Variants in CLYBL observed in about 807,000 individuals in gnomAD.
The protein encoded by CLYBL is citramalyl-CoA lyase, mitochondrial.
A neutral mutation model predicts 38.9 loss-of-function variants in CLYBL; 31 were observed. That is an observed-to-expected ratio of 0.80 (90% CI 0.60 to 1.08). CLYBL has a LOEUF of 1.08. CLYBL is among the 50% of genes least tolerant of loss of function. CLYBL has a pLI of 0.00. For synonymous variants in CLYBL, 171 were observed against 158.6 expected, an observed-to-expected ratio of 1.08 and a Z score of -0.59; for missense variants, 434 against 411.6, an observed-to-expected ratio of 1.05 and a Z score of -0.47.
At chr13:99,704,875 G>T (rs1249514260) in intron 1 of CLYBL, among the ~76,000 whole-genome samples, 1 of 152,038 alleles carries the variant, frequency 6.6e-6, no homozygotes, top group African/African-American at 2.4e-5. Flanking sequence ...ATCCTTCCTA[G>T]CATCCTACAT....
intron 2 of CLYBL, among the ~76,000 whole-genome samples, chr13:99,796,829 T>C (rs1269777913): frequency 6.6e-6 from 1 of 152,058 alleles, no homozygotes; most frequent in Non-Finnish European, 1.5e-5. Context: ...ACTGGTTGGG[T>C]ACAAGCAAAA....
chr13:99,720,196 T>A lies in CLYBL; in HGVS notation c.63-52628T>A, dbSNP rs564637054. ...AAATTATACATTCTATTTTTTCTTT[T>A]GGTGATTACATTTAAAATTTAATAT... On this transcript the variant is annotated intron_variant, in intron 1 of 8. Transcript: ENST00000339105. 4.6e-5 allele frequency among the ~76,000 whole-genome samples: 7 copies of A among 152,262 alleles called. 1 individual carries two copies. In the South Asian group the frequency reaches 1.4e-3, roughly 32 times the overall value.
intron 1 of CLYBL, among the ~76,000 whole-genome samples, chr13:99,749,991 G>A (rs1333224064): frequency 6.6e-6 from 1 of 152,198 alleles, no homozygotes; most frequent in Non-Finnish European, 1.5e-5. Flanking sequence ...GGTTGAAATT[G>A]GTAGGTGAAT....
chr13:99,853,960 A>G (rs1333947821), intron 2 of CLYBL, among the ~76,000 whole-genome samples: 2 of 152,246 alleles, frequency 1.3e-5, no homozygotes, highest in African/African-American at 4.8e-5. Flanking sequence ...CATTTTACAC[A>G]TTAGATGAAA....
intron 1 of CLYBL, among the ~76,000 whole-genome samples, chr13:99,770,771 G>T (rs189306876): frequency 1.2e-4 from 18 of 152,058 alleles, no homozygotes; most frequent in Admixed American, 4.6e-4. Context: ...TGCCAGGCTG[G>T]AGTGCAGTGG....
chr13:99,877,731 G>T, intron 7 of CLYBL: 1 of 245,840 alleles, frequency 4.1e-6, no homozygotes, highest in Non-Finnish European at 8.0e-6. Flanking sequence ...CGCACAACAT[G>T]CCTGGCTAAT....
intron 1 of CLYBL, among the ~76,000 whole-genome samples, chr13:99,693,588 G>A (rs1331657450): frequency 1.3e-5 from 2 of 151,942 alleles, no homozygotes; most frequent in Non-Finnish European, 2.9e-5. Context: ...ATGCAGATAC[G>A]TTAAGAGAGA....
At chr13:99,881,537 C>T (rs985370551) in intron 7 of CLYBL, among the ~76,000 whole-genome samples, 2 of 152,044 alleles carry the variant, frequency 1.3e-5, no homozygotes, top group Admixed American at 6.6e-5. Flanking sequence ...ATCCTTCCAC[C>T]TCAGCCTCCC....
chr13:99,759,482 G>A (rs1594164353), intron 1 of CLYBL, among the ~76,000 whole-genome samples: 1 of 152,272 alleles, frequency 6.6e-6, no homozygotes, highest in East Asian at 1.9e-4. Flanking sequence ...CCCAAGTCTG[G>A]AGAGGTGGCT....
At chr13:99,845,834 G>GC (rs2051191366) in intron 2 of CLYBL, among the ~76,000 whole-genome samples, 1 of 152,126 alleles carries the variant, frequency 6.6e-6, no homozygotes, top group Non-Finnish European at 1.5e-5. Flanking sequence ...TGTCCTGCTG[G>GC]CCGTCCTTCT....
chr13:99,781,569 G>C (rs566950705), intron 2 of CLYBL, among the ~76,000 whole-genome samples: 22 of 152,202 alleles, frequency 1.4e-4, no homozygotes, highest in African/African-American at 5.3e-4. Context: ...TCTGCCCCCC[G>C]GGTTCAAGCA....
intron 2 of CLYBL, among the ~76,000 whole-genome samples, chr13:99,857,168 AGCTGGGTGTGGTGGCGGGT>A (rs2051478909): frequency 6.6e-6 from 1 of 151,894 alleles, no homozygotes; most frequent in Non-Finnish European, 1.5e-5. Flanking sequence ...TACAAAAATT[AGCTGGGTGTGGTGGCGGGT>A]GCCTGTAGTC....
At chr13:99,838,330 C>CTGTT (rs1491244831) in intron 2 of CLYBL, among the ~76,000 whole-genome samples, 1 of 152,084 alleles carries the variant, frequency 6.6e-6, no homozygotes, top group African/African-American at 2.4e-5. Context: ...AGTATCTCTA[C>CTGTT]TGTTTGGAGG....
chr13:99,770,081 T>TC, intron 1 of CLYBL, among the ~76,000 whole-genome samples: 2 of 39,276 alleles, frequency 5.1e-5, no homozygotes, highest in African/African-American at 1.1e-4. Flanking sequence ...CTTTTCTTTC[T>TC]TTTTTTTTTT....
In CLYBL at chr13:99,854,400, G is replaced by A. The variant is rs561837163; in HGVS notation, c.250-4461G>A. On this transcript the variant is annotated intron_variant, in intron 2 of 8. Coordinates refer to ENST00000339105, the MANE Select transcript of CLYBL (RefSeq NM_206808.5). Reference sequence around the variant, plus strand: ...CCTCTTGGTTGTCACAATCCCCCTTGAATCTCGTATCCTGTCTGTCTCATC... The same window carrying A: ...CCTCTTGGTTGTCACAATCCCCCTTAAATCTCGTATCCTGTCTGTCTCATC... 1.6e-3 allele frequency among the ~76,000 whole-genome samples: 246 copies of A among 151,118 alleles called. 1 individual carries two copies. Among genetic ancestry groups the A allele is most frequent in the African/African-American group, 5.7e-3 (235 of 41,130 alleles).
chr13:99,682,283 A>G (rs1218691240), intron 1 of CLYBL, among the ~76,000 whole-genome samples: 1 of 151,936 alleles, frequency 6.6e-6, no homozygotes. Flanking sequence ...AGCTGGGACT[A>G]CATGCGCCTG....
chr13:99,689,277 C>T (rs1462138486), intron 1 of CLYBL, among the ~76,000 whole-genome samples: 1 of 152,216 alleles, frequency 6.6e-6, no homozygotes, highest in Middle Eastern at 3.2e-3. Flanking sequence ...GGAGAGGCAT[C>T]ACGCTTTCCT....
intron 1 of CLYBL, among the ~76,000 whole-genome samples, chr13:99,747,331 GT>G (rs1327244114): frequency 6.7e-6 from 1 of 149,080 alleles, no homozygotes; most frequent in Non-Finnish European, 1.5e-5. Context: ...CCTTTTTCTG[GT>G]TTTCTCTCTC....
intron 1 of CLYBL, among the ~76,000 whole-genome samples, chr13:99,625,698 T>C: frequency 6.6e-6 from 1 of 152,222 alleles, no homozygotes; most frequent in East Asian, 1.9e-4. Flanking sequence ...CAGAAAATTC[T>C]AAAACATACC....
Sources: allele counts gnomAD v4.1 joint callset (sites outside exome capture counted in the v4.1 genomes callset), GRCh38; gene constraint gnomAD v4.1.1; transcripts MANE v1.5; gene names NCBI Gene and HGNC (gene_info 2026-07-23, HGNC 2026-07-21).